Variants in TSPAN1 observed in about 807,000 individuals in gnomAD.
TSPAN1 encodes tetraspanin-1.
In TSPAN1, 23 loss-of-function variants were observed where a neutral mutation model predicts 26.9. That is an observed-to-expected ratio of 0.85 (90% CI 0.62 to 1.21). The LOEUF is 1.21. Ranked by LOEUF, TSPAN1 falls within the 50% of genes most tolerant of loss-of-function variation. The probability of loss-of-function intolerance (pLI) is 0.00; values close to 1 mark genes in which losing one functional copy is unlikely to be tolerated. For synonymous variants in TSPAN1, 115 were observed against 114.8 expected (o/e 1.00, Z -0.01); for missense variants, 283 against 298.4 (o/e 0.95, Z 0.38).
chr1:46,186,101 T>A (rs1657422944), downstream of TSPAN1: 1 of 159,184 alleles, frequency 6.3e-6, no homozygotes, highest in Non-Finnish European at 1.4e-5. Context: ...CTCCCCTTCA[T>A]TTGGGTTCCA....
In TSPAN1 at chr1:46,177,284, C is replaced by G. The variant is rs551282962; in HGVS notation, c.-142+1875C>G. Among the ~76,000 whole-genome samples, 362 of 151,438 alleles carry G rather than the reference C, an allele frequency of 2.4e-3. 2 individuals are homozygous for G. Among genetic ancestry groups the G allele is most frequent in the African/African-American group, 8.6e-3 (353 of 41,214 alleles). On this transcript the variant is annotated intron_variant, in intron 1 of 8. Transcript: ENST00000372003. ...CAGGAGGTGGAGATTGCAGTGAGCC[C>G]AGATTGCACCATTGCACTCCAGCCT...
At chr1:46,193,645 G>A in the TSPAN1 span, 2 of 1,614,156 alleles carry the variant, frequency 1.2e-6, no homozygotes, top group Non-Finnish European at 1.7e-6. Context: ...GCATCCTGGG[G>A]AGCCCAGGGA....
downstream of TSPAN1, chr1:46,189,229 G>A: frequency 6.3e-7 from 1 of 1,595,210 alleles, no homozygotes; most frequent in Non-Finnish European, 8.5e-7. Context: ...GCCAGCCTGG[G>A]GGTACACAGT....
At chr1:46,193,252 G>A in the TSPAN1 span, 4 of 1,614,108 alleles carry the variant, frequency 2.5e-6, no homozygotes, top group Non-Finnish European at 2.5e-6. Context: ...ATGAGCTTTA[G>A]GGTAGAAGGC....
chr1:46,190,593 G>A (rs1299304332), downstream of TSPAN1: 2 of 1,533,114 alleles, frequency 1.3e-6, no homozygotes, highest in Non-Finnish European at 1.8e-6. Context: ...GCAGGGCAAG[G>A]GGTCACATGG....
At chr1:46,189,550 G>A (rs758019908), downstream of TSPAN1, 1 of 1,612,296 alleles carries the variant, frequency 6.2e-7, no homozygotes, top group East Asian at 2.2e-5. Context: ...GCACATCCAG[G>A]TCCCAGATAT....
rs376959864 is a variant in TSPAN1 at position 46,182,351 on chromosome 1, GA to G, written c.57+1188del. On this transcript the variant is annotated intron_variant, in intron 3 of 8. Coordinates refer to ENST00000372003, the MANE Select transcript of TSPAN1 (RefSeq NM_005727.4). ...GAAGGAGATGGAGAAGGAGCAGTGGGAGGGGGAGAGGAAAACAAGGAGAGTA... is the reference window on the plus strand; with the variant it reads ...GAAGGAGATGGAGAAGGAGCAGTGGGGGGGGAGAGGAAAACAAGGAGAGTA... 4.4e-4 allele frequency among the ~76,000 whole-genome samples: 61 copies of G among 138,118 alleles called. 1 individual carries two copies. In the South Asian group the frequency reaches 0.014, roughly 32 times the overall value. The allele number at this position is 138,118 out of a possible 152,430, so 90.6% of individuals were successfully genotyped here.
At chr1:46,194,877 T>A in the TSPAN1 span, 2 of 1,613,834 alleles carry the variant, frequency 1.2e-6, no homozygotes, top group African/African-American at 2.7e-5. Flanking sequence ...CATGTGTCCC[T>A]CCAGCCCAGG....
Position 46,185,606 on chromosome 1 carries a change from T to C in TSPAN1, c.*73T>C. The C allele has an allele frequency of 6.5e-7, 1 of 1,537,030 alleles. No individual in the cohort carries two copies. The highest frequency in any genetic ancestry group is 9.0e-7 in the Non-Finnish European group (1 of 1,113,998). On this transcript the variant is annotated 3_prime_UTR_variant, in exon 9 of 9. Coordinates refer to ENST00000372003, the MANE Select transcript of TSPAN1 (RefSeq NM_005727.4). ...GAGGCACCCTGGCAAGCAGCAGTGATTGGGGGAGGGGACAGGATCTAACAA... is the reference window on the plus strand; with the variant it reads ...GAGGCACCCTGGCAAGCAGCAGTGACTGGGGGAGGGGACAGGATCTAACAA...
chr1:46,176,285 T>C (rs1302677884), intron 1 of TSPAN1: 19 of 1,535,666 alleles, frequency 1.2e-5, no homozygotes, highest in Admixed American at 2.0e-5. Context: ...TTGATACCCA[T>C]GGCCCTGGTG....
At position 46,184,213 on chromosome 1, in the gene TSPAN1, C is replaced by G. The variant is rs1427683170; in HGVS notation, c.80C>G (p.Ala27Gly). 1.2e-6 allele frequency: 2 copies of G among 1,614,070 alleles called. No individual in the cohort carries two copies. The highest frequency in any genetic ancestry group is 8.5e-7 in the Non-Finnish European group (1 of 1,180,048). The change falls in exon 4 of 9, where the codon GCA becomes GGA. Residue 27 changes from alanine (A) to glycine (G), a missense_variant. Transcript: ENST00000372003. Reference protein sequence around the residue: ...LIFLCGAALLAVGIWVSIDGA... With the variant: ...LIFLCGAALLGVGIWVSIDGA... ...CAGCTGTGTGGTGCAGCCCTGTTGG[C>G]AGTGGGCATCTGGGTGTCAATCGAT...
the TSPAN1 span, chr1:46,194,990 G>A: frequency 6.2e-7 from 1 of 1,606,758 alleles, no homozygotes; most frequent in Non-Finnish European, 8.5e-7. Flanking sequence ...CAGTTAGCCT[G>A]ACTGGCATGG....
chr1:46,189,531 G>A (rs1441418966), downstream of TSPAN1: 2 of 1,613,242 alleles, frequency 1.2e-6, no homozygotes, highest in African/African-American at 1.3e-5. Context: ...AGGCCCCGAT[G>A]GTTGCCACGC....
chr1:46,186,093 C>T (rs951182042), downstream of TSPAN1: 3 of 159,038 alleles, frequency 1.9e-5, no homozygotes, highest in Admixed American at 5.8e-5. Flanking sequence ...GGTTATTTCT[C>T]CCCTTCATTT....
intron 3 of TSPAN1, 36 bp downstream of exon 3, chr1:46,181,200 T>C: frequency 6.3e-7 from 1 of 1,595,158 alleles, no homozygotes. Flanking sequence ...TGGGGCTCCC[T>C]ATAGGAGCAG....
chr1:46,184,126 C>T (rs1657371056), intron 3 of TSPAN1, 65 bp from the exon 4 acceptor site: 3 of 1,538,786 alleles, frequency 1.9e-6, no homozygotes, highest in Non-Finnish European at 2.7e-6. Context: ...CCTTCTTACT[C>T]AGCTGTGTGG....
the TSPAN1 span, chr1:46,195,983 C>T: frequency 3.1e-6 from 5 of 1,614,126 alleles, no homozygotes; most frequent in Non-Finnish European, 4.2e-6. Context: ...AGCTCCAGCC[C>T]TCTGGGTCAC....
chr1:46,190,889 C>A, downstream of TSPAN1: 1 of 1,049,546 alleles, frequency 9.5e-7, no homozygotes, highest in East Asian at 2.4e-5. Context: ...AGTCCTAGAC[C>A]TGTAAAGAGC....
downstream of TSPAN1, among the ~76,000 whole-genome samples, chr1:46,187,054 T>C (rs1018658328): frequency 9.9e-5 from 15 of 152,154 alleles, no homozygotes; most frequent in Non-Finnish European, 2.1e-4. Flanking sequence ...GTGATCCACA[T>C]GCCTCAGCCT....
Sources: gnomAD v4.1 joint callset for allele counts (sites outside exome capture counted in the v4.1 genomes callset) on GRCh38, gnomAD v4.1.1 for gene constraint, MANE v1.5 for transcripts, NCBI Gene and HGNC (gene_info 2026-07-23, HGNC 2026-07-21) for gene names.